Variants in COL14A1 observed in about 807,000 individuals in gnomAD.
COL14A1 encodes the protein collagen type XIV alpha 1 chain.
A neutral mutation model predicts 230.3 loss-of-function variants in COL14A1; 136 were observed. That is an observed-to-expected ratio of 0.59 (90% CI 0.51 to 0.68). The LOEUF (loss-of-function observed/expected upper bound fraction) is 0.68. COL14A1 is among the 30% of genes least tolerant of loss of function. The pLI is 0.00. For missense variants in COL14A1, 1,976 were observed against 2,215.8 expected (o/e 0.89, Z 2.17); for synonymous variants, 792 against 784.1 (o/e 1.01, Z -0.17).
In COL14A1 at chr8:120,250,601, C is replaced by A. The variant is rs777709430; in HGVS notation, c.2603-16C>A. ...ATATTTTGTTGTAACTAAAATATATCCTCTTTCTTCTTTAGTTCCTGGTCC... is the reference window on the plus strand; with the variant it reads ...ATATTTTGTTGTAACTAAAATATATACTCTTTCTTCTTTAGTTCCTGGTCC... On this transcript the variant is annotated splice_polypyrimidine_tract_variant and intron_variant, in intron 21 of 47. Coordinates refer to ENST00000297848, the MANE Select transcript of COL14A1 (RefSeq NM_021110.4). The A allele has an allele frequency of 1.7e-5, 28 of 1,613,456 alleles. No individual in the cohort carries two copies. Among genetic ancestry groups the A allele is most frequent in the Non-Finnish European group, 2.4e-5 (28 of 1,179,620 alleles).
chr8:120,361,312 AC>A (rs1305309084), intron 45 of COL14A1, among the ~76,000 whole-genome samples: 6 of 152,136 alleles, frequency 3.9e-5, no homozygotes, highest in African/African-American at 1.2e-4. Context: ...AGGAAGAGGG[AC>A]CTTTGGCAAT....
At chr8:120,276,842 A>AT (rs905236111) in intron 26 of COL14A1, among the ~76,000 whole-genome samples, 13 of 151,646 alleles carry the variant, frequency 8.6e-5, no homozygotes, top group East Asian at 5.8e-4. Context: ...AATAATAAAA[A>AT]AAAATAAAAT....
intron 5 of COL14A1, among the ~76,000 whole-genome samples, chr8:120,184,981 A>G (rs922113452): frequency 2.6e-5 from 4 of 152,202 alleles, no homozygotes; most frequent in Non-Finnish European, 5.9e-5. Context: ...GGCCTAGTCA[A>G]ATTGGCACAA....
rs7003062 is a variant in COL14A1 at position 120,346,288 on chromosome 8, T to G, written c.5077+725T>G. 2.0e-5 allele frequency among the ~76,000 whole-genome samples: 3 copies of G among 151,978 alleles called. No homozygotes were observed. In the South Asian group the frequency reaches 6.2e-4, roughly 32 times the overall value. On this transcript the variant is annotated intron_variant, in intron 45 of 47. Coordinates refer to ENST00000297848, the MANE Select transcript of COL14A1 (RefSeq NM_021110.4). Reference sequence around the variant, plus strand: ...CAATAATAAGACTCTTTTGACTGAATCTATAGTCGACTAAGATATTCCATT... The same window carrying G: ...CAATAATAAGACTCTTTTGACTGAAGCTATAGTCGACTAAGATATTCCATT...
chr8:120,195,191 G>A (rs545598573), intron 5 of COL14A1, among the ~76,000 whole-genome samples: 4 of 152,210 alleles, frequency 2.6e-5, no homozygotes, highest in Non-Finnish European at 4.4e-5. Context: ...ATGTGGCCTG[G>A]TAGGCGCAGA....
chr8:120,154,327 A>G (rs1324345694), intron 2 of COL14A1, among the ~76,000 whole-genome samples: 1 of 152,202 alleles, frequency 6.6e-6, no homozygotes, highest in Non-Finnish European at 1.5e-5. Flanking sequence ...CTTCAATGAC[A>G]TGACATAAAC....
At position 120,270,097 on chromosome 8, in the gene COL14A1, G is replaced by T; in HGVS notation, c.3136G>T (p.Glu1046Ter). ...GGATGGATCCTGGAGCATTGGAGAT[G>T]AAAATTTCAATAAGATCATCAGCTT... is the stretch of plus-strand genomic sequence containing the variant. ...MVDGSWSIGD[E>*]NFNKIISFLY... The change falls in exon 26 of 48, where the codon GAA (glutamate) becomes TAA (stop). Residue 1046 changes from glutamate (E) to a stop codon, truncating the protein, a stop_gained. Coordinates refer to ENST00000297848, the MANE Select transcript of COL14A1 (RefSeq NM_021110.4). LOFTEE classifies it high-confidence loss of function. The T allele has an allele frequency of 6.2e-7, 1 of 1,611,630 alleles. No individual in the cohort carries two copies.
intron 19 of COL14A1, among the ~76,000 whole-genome samples, chr8:120,233,859 T>C (rs544838843): frequency 6.6e-6 from 1 of 152,214 alleles, no homozygotes; most frequent in Non-Finnish European, 1.5e-5. Flanking sequence ...GCGAAAAAAG[T>C]CAATGGTAGC....
chr8:120,275,776 A>G (rs934173711), intron 26 of COL14A1, among the ~76,000 whole-genome samples: 44 of 152,074 alleles, frequency 2.9e-4, no homozygotes, highest in African/African-American at 9.4e-4. Flanking sequence ...TAAAACCACA[A>G]TGAGATACCT....
chr8:120,354,156 C>T (rs1260256597), intron 45 of COL14A1, among the ~76,000 whole-genome samples: 4 of 111,526 alleles, frequency 3.6e-5, no homozygotes, highest in Non-Finnish European at 7.1e-5. Context: ...AAACCAAACA[C>T]CGCATATTCT....
At chr8:120,305,809 G>C (rs1040721355) in intron 36 of COL14A1, among the ~76,000 whole-genome samples, 12 of 151,722 alleles carry the variant, frequency 7.9e-5, no homozygotes, top group African/African-American at 2.9e-4. Context: ...CCACTAGTTT[G>C]GAAAGTATAC....
intron 7 of COL14A1, 59 bp downstream of exon 7, chr8:120,197,989 C>T: frequency 6.6e-7 from 1 of 1,526,252 alleles, no homozygotes; most frequent in Non-Finnish European, 9.0e-7. Context: ...AATTGTATTA[C>T]CTCATTTTGC....
At chr8:120,299,654 TACTTA>T (rs1199806392) in intron 35 of COL14A1, among the ~76,000 whole-genome samples, 1 of 152,102 alleles carries the variant, frequency 6.6e-6, no homozygotes, top group African/African-American at 2.4e-5. Flanking sequence ...TCTTTCAGAA[TACTTA>T]ACTTTATGTT....
intron 19 of COL14A1, among the ~76,000 whole-genome samples, chr8:120,242,057 T>A (rs940620589): frequency 3.9e-5 from 6 of 152,218 alleles, no homozygotes; most frequent in African/African-American, 1.4e-4. Flanking sequence ...AAATATTGTA[T>A]AAAATTACCT....
At chr8:120,172,569 G>A (rs1302862767) in intron 5 of COL14A1, among the ~76,000 whole-genome samples, 2 of 152,104 alleles carry the variant, frequency 1.3e-5, no homozygotes, top group African/African-American at 4.8e-5. Context: ...ATGTCTTAAG[G>A]GTGTGCTCCT....
intron 1 of COL14A1, among the ~76,000 whole-genome samples, chr8:120,135,926 G>T (rs2130404773): frequency 6.6e-6 from 1 of 151,882 alleles, no homozygotes; most frequent in Non-Finnish European, 1.5e-5. Context: ...TATTATATAA[G>T]AATACAATTG....
chr8:120,206,887 C>A lies in COL14A1; in HGVS notation c.1040-56C>A. On this transcript the variant is annotated intron_variant, in intron 9 of 47. Transcript: ENST00000297848. ...ATTTCTGTCTAATGAGATGTCTTAG[C>A]TTCATAAGAAATAACTTTGGGTAAG... 2.7e-6 allele frequency: 4 copies of A among 1,493,258 alleles called. No homozygotes were observed. In the South Asian group the frequency reaches 4.0e-5, roughly 15 times the overall value. The allele number at this position is 1,493,258 out of a possible 1,614,324, so 92.5% of individuals were successfully genotyped here. A position where few individuals can be genotyped will look rare whatever the true frequency, so the allele number is the denominator to read the frequency against.
In COL14A1 at chr8:120,190,336, GT is replaced by G. The variant is rs1365716909; in HGVS notation, c.437-6448del. 2.0e-5 allele frequency among the ~76,000 whole-genome samples: 3 copies of G among 152,074 alleles called. No homozygotes were observed. The East Asian group carries it at 5.8e-4, about 29-fold the overall frequency. On this transcript the variant is annotated intron_variant, in intron 5 of 47. Coordinates refer to ENST00000297848, the MANE Select transcript of COL14A1 (RefSeq NM_021110.4). ...CGCCCACTTTTTGATGGGGTTGTTTGTTTTTTTCTTGTCAATTTGTTTAAGT... is the reference window on the plus strand; with the variant it reads ...CGCCCACTTTTTGATGGGGTTGTTTGTTTTTTCTTGTCAATTTGTTTAAGT...
At chr8:120,195,315 T>A (rs1459065071) in intron 5 of COL14A1, among the ~76,000 whole-genome samples, 1 of 152,126 alleles carries the variant, frequency 6.6e-6, no homozygotes, top group Non-Finnish European at 1.5e-5. Context: ...TCATTATATA[T>A]GTTAAAAAAA....
Sources: allele counts gnomAD v4.1 joint callset (sites outside exome capture counted in the v4.1 genomes callset), GRCh38; gene constraint gnomAD v4.1.1; transcripts MANE v1.5; gene names NCBI Gene and HGNC (gene_info 2026-07-23, HGNC 2026-07-21).